Variants in PDZD2 observed in about 807,000 individuals in gnomAD.
PDZD2 encodes the protein PDZ domain-containing protein 2.
A neutral mutation model predicts 220.7 loss-of-function variants in PDZD2; 90 were observed. The observed-to-expected ratio is 0.41, with a 90% CI of 0.34 to 0.49. PDZD2 has a LOEUF of 0.49. Among genes scored for constraint, PDZD2 ranks in the 20% least tolerant of loss-of-function variants. PDZD2 has a pLI of 0.28. For missense variants in PDZD2, 3,174 were observed against 3,608.5 expected, an observed-to-expected ratio of 0.88 and a Z score of 3.08; for synonymous variants, 1,375 against 1,450.5, an observed-to-expected ratio of 0.95 and a Z score of 1.18.
At chr5:31,804,185 C>CGT (rs1230295377) in intron 2 of PDZD2, among the ~76,000 whole-genome samples, 1 of 151,976 alleles carries the variant, frequency 6.6e-6, no homozygotes, top group East Asian at 1.9e-4. Context: ...TTGAAGCAGC[C>CGT]GTGTGTGTGC....
At chr5:31,732,589 C>T (rs1749599082) in intron 1 of PDZD2, among the ~76,000 whole-genome samples, 1 of 152,194 alleles carries the variant, frequency 6.6e-6, no homozygotes. Context: ...CTGTGGTTTA[C>T]TGCAGATGCT....
At chr5:32,039,261 C>G (rs138908893) in intron 7 of PDZD2, among the ~76,000 whole-genome samples, 19 of 151,270 alleles carry the variant, frequency 1.3e-4, no homozygotes, top group Non-Finnish European at 1.9e-4. Flanking sequence ...ACTGCGCCCC[C>G]ACTCCTGATT....
At position 32,000,990 on chromosome 5, in the gene PDZD2, C is replaced by T. The variant is rs1752063450; in HGVS notation, c.1254+719C>T. Reference sequence around the variant, plus strand: ...CAGATCAGCGGCGGCACTGGACTCTCATAGGAATGCGAGCCCTATTGTGAA... The same window carrying T: ...CAGATCAGCGGCGGCACTGGACTCTTATAGGAATGCGAGCCCTATTGTGAA... On this transcript the variant is annotated intron_variant, in intron 5 of 24. Transcript: ENST00000438447. This position sits in a 1 kb window ranked among gnomAD's most constrained non-coding sequence, Gnocchi z 4.5. 6.6e-6 allele frequency among the ~76,000 whole-genome samples: 1 copy of T among 152,168 alleles called. No homozygotes were observed. Among genetic ancestry groups the T allele is most frequent in the African/African-American group, 2.4e-5 (1 of 41,440 alleles).
chr5:31,898,883 G>C lies in PDZD2; in HGVS notation c.477-84272G>C, dbSNP rs191375359. ...CTCGCTCTGTCACCCAGGCTGGAGTGCAGTGGCGATCTCGGCTCACTGCAA... is the reference window on the plus strand; with the variant it reads ...CTCGCTCTGTCACCCAGGCTGGAGTCCAGTGGCGATCTCGGCTCACTGCAA... On this transcript the variant is annotated intron_variant, in intron 2 of 24. Transcript: ENST00000438447. Among the ~76,000 whole-genome samples the C allele has an allele frequency of 2.6e-4, 39 of 148,838 alleles. 1 individual carries two copies. The highest frequency in any genetic ancestry group is 2.0e-3 in the Admixed American group (30 of 14,726).
At chr5:32,097,041 G>A (rs1743781868) in intron 21 of PDZD2, among the ~76,000 whole-genome samples, 1 of 151,810 alleles carries the variant, frequency 6.6e-6, no homozygotes, top group Non-Finnish European at 1.5e-5. Context: ...TGCCCAGGCT[G>A]GACTCGAACT....
chr5:31,949,408 G>A (rs34738437), intron 2 of PDZD2, among the ~76,000 whole-genome samples: 46,110 of 151,972 alleles, frequency 0.3, 7,224 homozygotes, highest in Middle Eastern at 0.44. Context: ...ATTTAAGCAG[G>A]AAAGAAATTT....
At position 31,841,386 on chromosome 5, in the gene PDZD2, A is replaced by G. The variant is rs576744448; in HGVS notation, c.476+41662A>G. Among the ~76,000 whole-genome samples the G allele has an allele frequency of 7.2e-5, 11 of 152,290 alleles. No individual in the cohort carries two copies. In the South Asian group the frequency reaches 2.3e-3, roughly 32 times the overall value. ...CTAACTGTAAAATGGAATTAAGAACAATACTCAGCCAGGCATGGTGGCTCA... is the reference window on the plus strand; with the variant it reads ...CTAACTGTAAAATGGAATTAAGAACGATACTCAGCCAGGCATGGTGGCTCA... On this transcript the variant is annotated intron_variant, in intron 2 of 24. Coordinates refer to ENST00000438447, the MANE Select transcript of PDZD2 (RefSeq NM_178140.4).
At chr5:32,070,851 C>T (rs1190875322) in intron 15 of PDZD2, among the ~76,000 whole-genome samples, 2 of 152,006 alleles carry the variant, frequency 1.3e-5, no homozygotes, top group Non-Finnish European at 2.9e-5. Context: ...CGAAAGTAGC[C>T]GGATGTGGTG....
chr5:31,854,398 C>T lies in PDZD2; in HGVS notation c.476+54674C>T, dbSNP rs143547761. Among the ~76,000 whole-genome samples the T allele has an allele frequency of 5.1e-3, 772 of 152,252 alleles. 2 individuals are homozygous for T. Among genetic ancestry groups the T allele is most frequent in the Non-Finnish European group, 8.7e-3 (595 of 68,006 alleles). On this transcript the variant is annotated intron_variant, in intron 2 of 24. Coordinates refer to ENST00000438447, the MANE Select transcript of PDZD2 (RefSeq NM_178140.4). ...GGAAATGCTTCAGTCGTGCAGTCAC[C>T]GGCGATTGTAATTCAGCGGTGTTAA...
intron 2 of PDZD2, among the ~76,000 whole-genome samples, chr5:31,862,173 T>G (rs1328538773): frequency 7.3e-6 from 1 of 136,458 alleles, no homozygotes; most frequent in Admixed American, 8.2e-5. Context: ...TGGCACAATC[T>G]CAGCTCACCC....
intron 2 of PDZD2, among the ~76,000 whole-genome samples, chr5:31,911,302 T>C (rs143177408): frequency 1.6e-4 from 25 of 152,334 alleles, no homozygotes; most frequent in African/African-American, 5.5e-4. Flanking sequence ...TGTTCTAGTT[T>C]TGTAGATGAA....
At chr5:31,776,652 T>TTATTTATTTATG (rs1391549866) in intron 1 of PDZD2, among the ~76,000 whole-genome samples, 3 of 149,686 alleles carry the variant, frequency 2.0e-5, no homozygotes, top group African/African-American at 7.4e-5. Flanking sequence ...ATTTATTTAT[T>TTATTTATTTATG]TATTTATTTA....
intron 2 of PDZD2, among the ~76,000 whole-genome samples, chr5:31,915,185 C>A (rs1743572503): frequency 6.6e-6 from 1 of 152,184 alleles, no homozygotes; most frequent in Non-Finnish European, 1.5e-5. Context: ...CTGATGCCTA[C>A]TTTCCAATTG....
intron 2 of PDZD2, among the ~76,000 whole-genome samples, chr5:31,935,087 C>CAAAA (rs57215375): frequency 7.0e-6 from 1 of 143,532 alleles, no homozygotes; most frequent in African/African-American, 2.6e-5. Flanking sequence ...GACCCTGTCT[C>CAAAA]AAAAAAAAAA....
chr5:32,067,191 A>G (rs543655975), intron 14 of PDZD2, among the ~76,000 whole-genome samples: 1 of 152,254 alleles, frequency 6.6e-6, no homozygotes, highest in African/African-American at 2.4e-5. Context: ...TAATGTCTGG[A>G]GCGGTTGCTG....
intron 2 of PDZD2, among the ~76,000 whole-genome samples, chr5:31,846,251 A>T (rs968988310): frequency 1.3e-5 from 2 of 152,210 alleles, no homozygotes; most frequent in African/African-American, 4.8e-5. Context: ...CTCCTGCCTC[A>T]GCCTCCCGAG....
intron 2 of PDZD2, among the ~76,000 whole-genome samples, chr5:31,849,468 TATC>T (rs1197404427): frequency 1.3e-5 from 2 of 152,138 alleles, no homozygotes; most frequent in African/African-American, 4.8e-5. Flanking sequence ...TAGCTATTAT[TATC>T]ATTATCATCA....
chr5:31,747,291 T>C (rs924985360), intron 1 of PDZD2, among the ~76,000 whole-genome samples: 2 of 152,164 alleles, frequency 1.3e-5, no homozygotes, highest in Non-Finnish European at 2.9e-5. Context: ...GCATGGATAG[T>C]CATGGAGAAA....
intron 8 of PDZD2, among the ~76,000 whole-genome samples, chr5:32,052,151 C>T (rs1443983569): frequency 3.9e-5 from 6 of 152,088 alleles, no homozygotes; most frequent in African/African-American, 1.2e-4. Flanking sequence ...GCTATTCTTC[C>T]GATAGTTTTT....
Sources: gnomAD v4.1 joint callset for allele counts (sites outside exome capture counted in the v4.1 genomes callset) on GRCh38, gnomAD v4.1.1 for gene constraint, Gnocchi (gnomAD v3.1) non-coding constraint, MANE v1.5 for transcripts, NCBI Gene and HGNC (gene_info 2026-07-23, HGNC 2026-07-21) for gene names.